The following KATNBL1 variants were observed in gnomAD, a reference collection of about 807,000 sequenced individuals.
KATNBL1 encodes the protein KATNB1-like protein 1.
A neutral mutation model predicts 44.7 loss-of-function variants in KATNBL1; 28 were observed. The ratio of observed to expected loss-of-function variants is 0.63; its 90% CI spans 0.46 to 0.86. The LOEUF (loss-of-function observed/expected upper bound fraction) is 0.86, where lower values mean the gene tolerates loss of function less well. Among genes scored for constraint, KATNBL1 ranks in the 40% least tolerant of loss-of-function variants. The probability of loss-of-function intolerance (pLI) is 0.00; values close to 1 mark genes in which losing one functional copy is unlikely to be tolerated. For missense variants in KATNBL1, 272 were observed against 350.7 expected (o/e 0.78, Z 1.79); for synonymous variants, 78 against 114.9 (o/e 0.68, Z 2.06).
At chr15:34,191,818 G>GC (rs1889882116) in intron 1 of KATNBL1, among the ~76,000 whole-genome samples, 1 of 151,674 alleles carries the variant, frequency 6.6e-6, no homozygotes. Flanking sequence ...GTGGTGGCGG[G>GC]CGCCTGTAGT....
At chr15:34,145,097 T>C in intron 9 of KATNBL1, 3 of 1,084,966 alleles carry the variant, frequency 2.8e-6, no homozygotes, top group Non-Finnish European at 3.4e-6. Context: ...TCTGATGCTG[T>C]CCTTATTGGA....
intron 1 of KATNBL1, among the ~76,000 whole-genome samples, chr15:34,192,629 C>T (rs2140987856): frequency 6.6e-6 from 1 of 151,972 alleles, no homozygotes; most frequent in Non-Finnish European, 1.5e-5. Context: ...TGTGAAAGTC[C>T]GGGGAGGGAG....
At chr15:34,206,356 A>G (rs1261876642) in intron 1 of KATNBL1, among the ~76,000 whole-genome samples, 3 of 152,234 alleles carry the variant, frequency 2.0e-5, no homozygotes, top group Admixed American at 2.0e-4. Context: ...CTTTTCTCTC[A>G]TTTCTACCCT....
At chr15:34,150,169 A>C (rs1378060005) in intron 4 of KATNBL1, among the ~76,000 whole-genome samples, 1 of 152,224 alleles carries the variant, frequency 6.6e-6, no homozygotes, top group African/African-American at 2.4e-5. Flanking sequence ...TAATCATTAA[A>C]CCTATTAGTT....
At chr15:34,196,396 C>G (rs1178138159) in intron 1 of KATNBL1, among the ~76,000 whole-genome samples, 1 of 151,334 alleles carries the variant, frequency 6.6e-6, no homozygotes, top group East Asian at 2.0e-4. Context: ...CCAGCCTGGG[C>G]AACAGAGCGA....
At chr15:34,160,304 A>T (rs957672945) in intron 2 of KATNBL1, among the ~76,000 whole-genome samples, 2 of 152,102 alleles carry the variant, frequency 1.3e-5, no homozygotes, top group Non-Finnish European at 2.9e-5. Flanking sequence ...TGGACAGCAG[A>T]ATTTTTGCCT....
chr15:34,153,169 T>G lies in KATNBL1; in HGVS notation c.159-100A>C, dbSNP rs946168106. 7.2e-6 allele frequency: 5 copies of G among 690,828 alleles called. No homozygotes were observed. The African/African-American group carries it at 9.1e-5, about 13-fold the overall frequency. 42.8% of individuals were successfully genotyped at this position (690,828 alleles called of 1,614,324 possible). On this transcript the variant is annotated intron_variant, in intron 3 of 9. Coordinates refer to ENST00000256544, the MANE Select transcript of KATNBL1 (RefSeq NM_024713.3). Reference sequence around the variant, plus strand: ...AATAGGCTATATTTGGTGATTGTAATCCACTAAAATTAGAAATAAATAGAA... The same window carrying G: ...AATAGGCTATATTTGGTGATTGTAAGCCACTAAAATTAGAAATAAATAGAA...
intron 3 of KATNBL1, among the ~76,000 whole-genome samples, chr15:34,154,320 A>G (rs191700781): frequency 3.3e-5 from 5 of 152,342 alleles, no homozygotes; most frequent in African/African-American, 7.2e-5. Flanking sequence ...TGCCTTTAGA[A>G]GTTAGGCAGA....
intron 2 of KATNBL1, among the ~76,000 whole-genome samples, chr15:34,157,433 C>T (rs1050979448): frequency 2.6e-5 from 4 of 152,108 alleles, no homozygotes; most frequent in Non-Finnish European, 5.9e-5. Context: ...CAACTTTTGA[C>T]AAGGATGTGG....
At chr15:34,146,222 G>C (rs1888306625) in intron 8 of KATNBL1, 1 of 152,354 alleles carries the variant, frequency 6.6e-6, no homozygotes, top group African/African-American at 2.4e-5. Context: ...TGGGATTACA[G>C]ACAGGCATCA....
intron 1 of KATNBL1, among the ~76,000 whole-genome samples, chr15:34,175,668 A>C (rs1889307951): frequency 6.6e-6 from 1 of 152,248 alleles, no homozygotes; most frequent in African/African-American, 2.4e-5. Flanking sequence ...TATACTAAAA[A>C]AGACAGACAA....
intron 1 of KATNBL1, among the ~76,000 whole-genome samples, chr15:34,177,104 T>C (rs1297852998): frequency 1.3e-5 from 2 of 152,070 alleles, no homozygotes; most frequent in East Asian, 1.9e-4. Flanking sequence ...GAATAAAAGA[T>C]TGAGAAGAGG....
Position 34,154,630 on chromosome 15 carries a change from A to T in KATNBL1, c.158+14T>A. The T allele has an allele frequency of 6.5e-7, 1 of 1,541,556 alleles. No homozygotes were observed. Among genetic ancestry groups the T allele is most frequent in the Non-Finnish European group, 9.0e-7 (1 of 1,114,396 alleles). ...ATATTTGTTGTTCCCCACAAACTTT[A>T]AAGAAACTCTTACCTATTTATGTAA... On this transcript the variant is annotated intron_variant, in intron 3 of 9. Coordinates refer to ENST00000256544, the MANE Select transcript of KATNBL1 (RefSeq NM_024713.3).
chr15:34,145,280 C>T, intron 9 of KATNBL1, 118 bp downstream of exon 9: 1 of 1,429,558 alleles, frequency 7.0e-7, no homozygotes, highest in South Asian at 1.2e-5. Context: ...ATGAAATTGA[C>T]TTTAGACATT....
At chr15:34,160,478 T>C (rs1050732926) in intron 2 of KATNBL1, among the ~76,000 whole-genome samples, 2 of 152,006 alleles carry the variant, frequency 1.3e-5, no homozygotes, top group South Asian at 4.2e-4. Context: ...TCTGGGGGGG[T>C]CTTCTAATTC....
intron 2 of KATNBL1, among the ~76,000 whole-genome samples, chr15:34,157,623 A>G (rs1184307451): frequency 6.6e-6 from 1 of 152,234 alleles, no homozygotes; most frequent in Non-Finnish European, 1.5e-5. Flanking sequence ...AACTTACACA[A>G]CATTTCATAA....
rs760395860 is a variant in KATNBL1, at chr15:34,184,576, C to CTTTTCTCTTTT, written c.-14-20887_-14-20886insAAAAGAGAAAA. Reference sequence around the variant, plus strand: ...ATACTTCCTGTCTCTCCTAATGTTTCTTTTTTTTTTTTTTGAGACAGAGTC... The same window carrying CTTTTCTCTTTT: ...ATACTTCCTGTCTCTCCTAATGTTTCTTTTCTCTTTTTTTTTTTTTTTTTTGAGACAGAGTC... On this transcript the variant is annotated intron_variant, in intron 1 of 9. Coordinates refer to ENST00000256544, the MANE Select transcript of KATNBL1 (RefSeq NM_024713.3). 3.1e-5 allele frequency among the ~76,000 whole-genome samples: 3 copies of CTTTTCTCTTTT among 95,258 alleles called. 1 individual carries two copies. Among genetic ancestry groups the CTTTTCTCTTTT allele is most frequent in the African/African-American group, 7.8e-5 (2 of 25,528 alleles). 62.5% of individuals were successfully genotyped at this position (95,258 alleles called of 152,430 possible).
At chr15:34,160,072 C>T (rs1888751176) in intron 2 of KATNBL1, among the ~76,000 whole-genome samples, 1 of 152,198 alleles carries the variant, frequency 6.6e-6, no homozygotes. Flanking sequence ...CCCTAGTCTT[C>T]CTCAAAAGCT....
intron 1 of KATNBL1, among the ~76,000 whole-genome samples, chr15:34,206,229 A>C (rs538163513): frequency 6.6e-6 from 1 of 152,200 alleles, no homozygotes. Flanking sequence ...TGACTCATAC[A>C]TAGGTGGTAG....
Sources: gnomAD v4.1 joint callset for allele counts (sites outside exome capture counted in the v4.1 genomes callset) on GRCh38, gnomAD v4.1.1 for gene constraint, MANE v1.5 for transcripts, NCBI Gene and HGNC (gene_info 2026-07-23, HGNC 2026-07-21) for gene names.